Variants in ACACA observed in about 807,000 individuals in gnomAD.
The protein encoded by ACACA is acetyl-CoA carboxylase alpha.
A neutral mutation model predicts 296.1 loss-of-function variants in ACACA; 103 were observed. The observed-to-expected ratio is 0.35, with a 90% CI of 0.30 to 0.41. ACACA has a LOEUF of 0.41. ACACA is among the 10% of genes least tolerant of loss of function. ACACA has a pLI of 1.00. For missense variants in ACACA, 1,554 were observed against 2,989.7 expected (o/e 0.52, Z 11.20); for synonymous variants, 953 against 1,038.6 (o/e 0.92, Z 1.58).
intron 3 of ACACA, among the ~76,000 whole-genome samples, chr17:37,309,668 G>T (rs983092256): frequency 6.6e-6 from 1 of 152,008 alleles, no homozygotes; most frequent in Non-Finnish European, 1.5e-5. Context: ...CTTTTCAGGG[G>T]AACTGAAAGG....
At chr17:37,400,278 C>A (rs1014292249) in intron 1 of ACACA, among the ~76,000 whole-genome samples, 7 of 152,024 alleles carry the variant, frequency 4.6e-5, no homozygotes, top group African/African-American at 1.7e-4. Context: ...CACCACCACG[C>A]CTGGCTAATT....
At chr17:37,193,300 C>G in intron 36 of ACACA, 74 bp downstream of exon 36, 1 of 1,157,414 alleles carries the variant, frequency 8.6e-7, no homozygotes, top group Non-Finnish European at 1.3e-6. Context: ...GAACGTATGG[C>G]AAAGATAAGC....
rs75400514 is a variant in ACACA, at chr17:37,316,839, G to A, written c.338+13334C>T. 9.5e-4 allele frequency among the ~76,000 whole-genome samples: 145 copies of A among 151,950 alleles called. 1 individual carries two copies. Among genetic ancestry groups the A allele is most frequent in the African/African-American group, 3.4e-3 (139 of 41,458 alleles). ...TGTAATCCCAGCACTTTGGGAGGCCGAGGAGGGTAGATCACCTAAGGTCCA... is the reference window on the plus strand; with the variant it reads ...TGTAATCCCAGCACTTTGGGAGGCCAAGGAGGGTAGATCACCTAAGGTCCA... On this transcript the variant is annotated intron_variant, in intron 3 of 55. Coordinates refer to ENST00000616317, the MANE Select transcript of ACACA (RefSeq NM_198834.3).
rs1332648897 is a variant in ACACA, at chr17:37,216,157, C to CACAA, written c.3683+5566_3683+5567insTTGT. Among the ~76,000 whole-genome samples, 25 of 143,012 alleles carry CACAA rather than the reference C, an allele frequency of 1.7e-4. 1 individual carries two copies. In the South Asian group the frequency reaches 5.2e-3, roughly 30 times the overall value. The allele number at this position is 143,012 out of a possible 152,430, so 93.8% of individuals were successfully genotyped here. A position where few individuals can be genotyped will look rare whatever the true frequency, so the allele number is the denominator to read the frequency against. On this transcript the variant is annotated intron_variant, in intron 29 of 55. Transcript: ENST00000616317. ...ACACACACACACACACACACACACA[C>CACAA]AACATACACATGTTACATATACATA...
intron 1 of ACACA, among the ~76,000 whole-genome samples, chr17:37,377,275 T>G (rs1029222977): frequency 1.3e-5 from 2 of 152,194 alleles, no homozygotes; most frequent in Non-Finnish European, 2.9e-5. Context: ...TTAACTCTAT[T>G]TGACCTTTCT....
intron 52 of ACACA, among the ~76,000 whole-genome samples, chr17:37,100,134 T>C (rs1053123368): frequency 1.3e-5 from 2 of 152,190 alleles, no homozygotes; most frequent in African/African-American, 4.8e-5. Context: ...GCGGAAATGA[T>C]GGAATTAGAA....
intron 39 of ACACA, among the ~76,000 whole-genome samples, chr17:37,187,148 A>ACT (rs1017088725): frequency 1.3e-5 from 2 of 151,838 alleles, no homozygotes; most frequent in African/African-American, 4.8e-5. Flanking sequence ...GCTCTTGCGC[A>ACT]CTCTCTCTCT....
chr17:37,379,692 C>G (rs2050160640), intron 1 of ACACA, among the ~76,000 whole-genome samples: 1 of 151,496 alleles, frequency 6.6e-6, no homozygotes, highest in Admixed American at 6.6e-5. Flanking sequence ...GATCACTGGC[C>G]ATCAGAGAAA....
intron 29 of ACACA, among the ~76,000 whole-genome samples, chr17:37,210,907 A>G (rs1349418012): frequency 1.1e-4 from 17 of 152,108 alleles, no homozygotes; most frequent in Non-Finnish European, 1.5e-5. Context: ...TCTTGTTCCT[A>G]TTACTGAAGG....
At chr17:37,370,225 T>G (rs2049753872) in intron 1 of ACACA, among the ~76,000 whole-genome samples, 1 of 151,612 alleles carries the variant, frequency 6.6e-6, no homozygotes, top group South Asian at 2.1e-4. Context: ...AGGCTGATCT[T>G]GAACTCCTGA....
chr17:37,208,420 T>C (rs2078604361), intron 30 of ACACA, among the ~76,000 whole-genome samples: 1 of 152,168 alleles, frequency 6.6e-6, no homozygotes, highest in South Asian at 2.1e-4. Context: ...CTTTAATGGG[T>C]TGGTAGGCAT....
intron 16 of ACACA, among the ~76,000 whole-genome samples, chr17:37,250,956 G>A (rs1320707372): frequency 4.6e-5 from 7 of 152,146 alleles, no homozygotes; most frequent in Admixed American, 4.6e-4. Flanking sequence ...GAACCCGAGA[G>A]GCGGACCTTG....
intron 5 of ACACA, among the ~76,000 whole-genome samples, chr17:37,279,517 C>T (rs543194968): frequency 7.7e-4 from 117 of 152,058 alleles, no homozygotes; most frequent in African/African-American, 2.8e-3. Flanking sequence ...GCCTGTAGTC[C>T]CACCACAGAC....
intron 1 of ACACA, chr17:37,392,471 T>A (rs1329035336): frequency 6.6e-6 from 1 of 152,192 alleles, no homozygotes; most frequent in Non-Finnish European, 1.5e-5. Flanking sequence ...AAATCTAACC[T>A]GCTTAAATAA....
chr17:37,274,090 A>C, intron 9 of ACACA, 103 bp downstream of exon 9: 1 of 956,736 alleles, frequency 1.0e-6, no homozygotes, highest in Non-Finnish European at 1.7e-6. Flanking sequence ...TTACATCCCT[A>C]ACACCACCTT....
intron 1 of ACACA, 39 bp from the exon 2 acceptor site, chr17:37,339,889 A>T: frequency 2.9e-6 from 3 of 1,032,480 alleles, no homozygotes; most frequent in Non-Finnish European, 4.4e-6. Flanking sequence ...TTTTTTTTTT[A>T]AGAAACAAAC....
chr17:37,325,123 C>T (rs895696276), intron 3 of ACACA, among the ~76,000 whole-genome samples: 1 of 151,476 alleles, frequency 6.6e-6, no homozygotes, highest in Non-Finnish European at 1.5e-5. Flanking sequence ...ATCGCTTGAA[C>T]CCAGGAGGCG....
chr17:37,289,523 C>CAGACTTTGAAAT, intron 3 of ACACA: 1 of 1,350,382 alleles, frequency 7.4e-7, no homozygotes, highest in African/African-American at 1.5e-5. Context: ...ACGAGTATTT[C>CAGACTTTGAAAT]AAAGTCTGAG....
At chr17:37,375,753 C>T (rs965417072) in intron 1 of ACACA, among the ~76,000 whole-genome samples, 68 of 152,156 alleles carry the variant, frequency 4.5e-4, no homozygotes, top group African/African-American at 1.5e-3. Flanking sequence ...ATGTAAATGT[C>T]TACGTGTCTA....
Sources: gnomAD v4.1 joint callset for allele counts (sites outside exome capture counted in the v4.1 genomes callset) on GRCh38, gnomAD v4.1.1 for gene constraint, MANE v1.5 for transcripts, NCBI Gene and HGNC (gene_info 2026-07-23, HGNC 2026-07-21) for gene names.